Variants in CA6 observed in about 807,000 individuals in gnomAD.
CA6 encodes the protein carbonate dehydratase VI.
A neutral mutation model predicts 35.9 loss-of-function variants in CA6; 28 were observed. The observed-to-expected ratio is 0.78, with a 90% CI of 0.58 to 1.07. CA6 has a LOEUF of 1.07. Ranked by LOEUF, CA6 falls within the 50% of genes least tolerant of loss-of-function variation. The pLI is 0.00. For synonymous variants in CA6, 148 were observed against 152.6 expected, an observed-to-expected ratio of 0.97 and a Z score of 0.22; for missense variants, 377 against 382.0, an observed-to-expected ratio of 0.99 and a Z score of 0.11.
At chr1:8,947,138 C>T (rs979439633) in intron 1 of CA6, among the ~76,000 whole-genome samples, 1 of 152,066 alleles carries the variant, frequency 6.6e-6, no homozygotes, top group Non-Finnish European at 1.5e-5. Context: ...AATGTAAAAT[C>T]CTGGCATTCA....
intron 1 of CA6, among the ~76,000 whole-genome samples, chr1:8,947,850 C>CTTTTTTT (rs527410056): frequency 5.0e-5 from 7 of 140,594 alleles, no homozygotes; most frequent in African/African-American, 1.9e-4. Flanking sequence ...GTACAGACAC[C>CTTTTTTT]TTTTTTTTTT....
rs142421956 is a variant in CA6 at position 8,952,822 on chromosome 1, A to G, written c.259+3380A>G. On this transcript the variant is annotated intron_variant, in intron 2 of 7. Transcript: ENST00000377443. ...CAGGCATGTGCCACCACGCCTGGCT[A>G]ATTTTTGTATTTCTAGTACAGACAG... Among the ~76,000 whole-genome samples the G allele has an allele frequency of 3.5e-3, 534 of 151,948 alleles. 7 individuals are homozygous for G. Among genetic ancestry groups the G allele is most frequent in the African/African-American group, 0.012 (501 of 41,392 alleles).
chr1:8,965,910 A>T (rs1639955446), intron 5 of CA6, among the ~76,000 whole-genome samples: 2 of 150,894 alleles, frequency 1.3e-5, no homozygotes, highest in African/African-American at 4.9e-5. Context: ...AGGCTGAAGT[A>T]TATTCCATTG....
At chr1:8,950,916 A>T (rs1639513185) in intron 2 of CA6, among the ~76,000 whole-genome samples, 1 of 152,134 alleles carries the variant, frequency 6.6e-6, no homozygotes, top group Non-Finnish European at 1.5e-5. Context: ...TATCTTGCAC[A>T]ATCAAGAAAA....
At chr1:8,947,018 G>C (rs1481651331) in intron 1 of CA6, among the ~76,000 whole-genome samples, 2 of 151,924 alleles carry the variant, frequency 1.3e-5, no homozygotes, top group South Asian at 2.1e-4. Flanking sequence ...TGGCCAGGCT[G>C]TTCTCAAACT....
At chr1:8,971,464 A>T (rs28617492) in intron 7 of CA6, among the ~76,000 whole-genome samples, 11,577 of 151,280 alleles carry the variant, frequency 0.077, 559 homozygotes, top group South Asian at 0.14. Flanking sequence ...GGCACCTACC[A>T]CCACGCCCGG....
intron 7 of CA6, chr1:8,974,274 T>TA (rs1477035208): frequency 2.0e-6 from 2 of 1,022,574 alleles, no homozygotes; most frequent in African/African-American, 1.6e-5. Flanking sequence ...CAAGGTCAGT[T>TA]ACAAAAACAA....
At chr1:8,959,930 T>TAAAAAAAAAA (rs1639792126) in intron 4 of CA6, among the ~76,000 whole-genome samples, 1 of 42,600 alleles carries the variant, frequency 2.3e-5, no homozygotes, top group Non-Finnish European at 3.9e-5. Flanking sequence ...AGATTCTATC[T>TAAAAAAAAAA]CAAAAAAAAA....
chr1:8,965,203 C>A (rs1008131774), intron 5 of CA6, among the ~76,000 whole-genome samples: 1 of 152,120 alleles, frequency 6.6e-6, no homozygotes, highest in Non-Finnish European at 1.5e-5. Context: ...GAGATTGTGT[C>A]GCTGCACTCC....
At chr1:8,964,493 G>T (rs57521674) in intron 5 of CA6, among the ~76,000 whole-genome samples, 2 of 151,798 alleles carry the variant, frequency 1.3e-5, no homozygotes, top group African/African-American at 4.8e-5. Context: ...TGATCTACCC[G>T]CCTCGGCCTC....
intron 4 of CA6, among the ~76,000 whole-genome samples, chr1:8,960,399 A>G (rs910496807): frequency 6.8e-6 from 1 of 146,084 alleles, no homozygotes; most frequent in Non-Finnish European, 1.5e-5. Flanking sequence ...GAGAAAAATT[A>G]AAAAAAAAAA....
rs1485463834 is a variant in CA6, at chr1:8,945,932, C to T, written c.46C>T (p.Gln16Ter). The change falls in exon 1 of 8, where the codon CAG becomes TAG. Residue 16 changes from glutamine to a stop codon, truncating the protein, a stop_gained. Coordinates refer to ENST00000377443, the MANE Select transcript of CA6 (RefSeq NM_001215.4). LOFTEE classifies it high-confidence loss of function. The part of the protein sequence containing the change: ...LLLSLFLLGG[Q>*]AQHVSDWTYS... ...GCTGTCCCTGTTCCTGCTGGGTGGCCAGGCCCAGCATGTGTCTGACTGGAC... is the reference window on the plus strand; with the variant it reads ...GCTGTCCCTGTTCCTGCTGGGTGGCTAGGCCCAGCATGTGTCTGACTGGAC... 1.2e-6 allele frequency: 2 copies of T among 1,613,682 alleles called. No homozygotes were observed. The highest frequency in any genetic ancestry group is 1.7e-6 in the Non-Finnish European group (2 of 1,179,656).
At position 8,961,315 on chromosome 1, in the gene CA6, T is replaced by G. The variant is rs911164803; in HGVS notation, c.502-1272T>G. 4.6e-5 allele frequency among the ~76,000 whole-genome samples: 7 copies of G among 152,338 alleles called. No individual in the cohort carries two copies. The East Asian group carries it at 1.3e-3, about 29-fold the overall frequency. On this transcript the variant is annotated intron_variant, in intron 4 of 7. Transcript: ENST00000377443. ...ACTACATACATATATTTTTTGTGTT[T>G]TCTTCTTTTAATTTCTTTTTAAAAA...
rs60046591 is a variant in CA6 at position 8,946,805 on chromosome 1, G to GTTTTT, written c.79+852_79+856dup. Among the ~76,000 whole-genome samples, 339 of 102,014 alleles carry GTTTTT rather than the reference G, an allele frequency of 3.3e-3. 5 individuals are homozygous for GTTTTT. Among genetic ancestry groups the GTTTTT allele is most frequent in the African/African-American group, 0.012 (316 of 25,724 alleles). The allele number at this position is 102,014 out of a possible 152,430, so 66.9% of individuals were successfully genotyped here. ...CAAAATGAGAGGTGTTTTTTTTTTT[G>GTTTTT]TTTTTTTTTTTTTTTTGAGACAGAG... is the stretch of plus-strand genomic sequence containing the variant. On this transcript the variant is annotated intron_variant, in intron 1 of 7. Transcript: ENST00000377443.
At chr1:8,962,487 G>C (rs1639865023) in intron 4 of CA6, 100 bp from the exon 5 acceptor site, 1 of 989,004 alleles carries the variant, frequency 1.0e-6, no homozygotes, top group African/African-American at 1.6e-5. Context: ...TTACTCTCTA[G>C]GCTCGGCCCA....
rs778366804 is a variant in CA6, at chr1:8,945,944, G to A, written c.58G>A (p.Val20Met). The A allele has an allele frequency of 1.4e-5, 23 of 1,613,350 alleles. No individual in the cohort carries two copies. The highest frequency in any genetic ancestry group is 8.9e-5 in the East Asian group (4 of 44,876). Residue 20 changes from valine (V) to methionine (M), a missense_variant, in exon 1 of 8, where the codon GTG becomes ATG. Transcript: ENST00000377443. ...CCTGCTGGGTGGCCAGGCCCAGCAT[G>A]TGTCTGACTGGACCTACTCAGGTGA... ...LFLLGGQAQH[V>M]SDWTYSEGAL...
Position 8,967,827 on chromosome 1 carries a change from GTA to G in CA6, c.729+13_729+14del. Reference sequence around the variant, plus strand: ...CTCTCCAGGACACAGGTAATGTATGGTATCACTTTGCCGAAGTCTTCCCATTC... The same window carrying G: ...CTCTCCAGGACACAGGTAATGTATGGTCACTTTGCCGAAGTCTTCCCATTC... On this transcript the variant is annotated intron_variant, in intron 6 of 7. Transcript: ENST00000377443. The G allele has an allele frequency of 6.2e-7, 1 of 1,612,396 alleles. No homozygotes were observed. Among genetic ancestry groups the G allele is most frequent in the South Asian group, 1.1e-5 (1 of 90,822 alleles).
intron 2 of CA6, among the ~76,000 whole-genome samples, chr1:8,954,837 ATTG>A (rs1186698802): frequency 1.3e-5 from 2 of 152,162 alleles, no homozygotes; most frequent in Non-Finnish European, 2.9e-5. Flanking sequence ...GGCCTCCTAA[ATTG>A]CTAGGATTAC....
At chr1:8,946,319 ATTGCG>A (rs1639363516) in intron 1 of CA6, among the ~76,000 whole-genome samples, 1 of 152,062 alleles carries the variant, frequency 6.6e-6, no homozygotes, top group African/African-American at 2.4e-5. Context: ...GGCATGAGCC[ATTGCG>A]CCCGGCCAAG....
Sources: gnomAD v4.1 joint callset for allele counts (sites outside exome capture counted in the v4.1 genomes callset) on GRCh38, gnomAD v4.1.1 for gene constraint, MANE v1.5 for transcripts, NCBI Gene and HGNC (gene_info 2026-07-23, HGNC 2026-07-21) for gene names.